Variants in KCNMB2 observed in about 807,000 individuals in gnomAD.
KCNMB2 encodes the protein potassium calcium-activated channel subfamily M regulatory beta subunit 2.
Under a neutral mutation model 24.5 loss-of-function variants are expected in KCNMB2, and 9 were observed. That is an observed-to-expected ratio of 0.37 (90% CI 0.22 to 0.64). KCNMB2 has a LOEUF of 0.64. KCNMB2 is among the 30% of genes least tolerant of loss of function. KCNMB2 has a pLI of 0.63. For missense variants in KCNMB2, 226 were observed against 284.3 expected (o/e 0.79, Z 1.47); for synonymous variants, 109 against 104.4 (o/e 1.04, Z -0.27).
At chr3:178,732,891 C>G (rs189194415) in intron 1 of KCNMB2, among the ~76,000 whole-genome samples, 1 of 152,108 alleles carries the variant, frequency 6.6e-6, no homozygotes, top group Non-Finnish European at 1.5e-5. Context: ...AATAATGAGA[C>G]GAGGCTATCT....
chr3:178,560,175 G>C (rs1716265872), intron 1 of KCNMB2, among the ~76,000 whole-genome samples: 1 of 151,290 alleles, frequency 6.6e-6, no homozygotes, highest in Non-Finnish European at 1.5e-5. Context: ...GATTATTTTA[G>C]ATCACCAAAC....
intron 1 of KCNMB2, among the ~76,000 whole-genome samples, chr3:178,546,412 G>C (rs1356799898): frequency 6.6e-6 from 1 of 152,204 alleles, no homozygotes; most frequent in Non-Finnish European, 1.5e-5. Context: ...TCAGGCACAT[G>C]ATGGTGTTTA....
At chr3:178,750,624 G>C (rs1723812555) in intron 1 of KCNMB2, among the ~76,000 whole-genome samples, 1 of 152,148 alleles carries the variant, frequency 6.6e-6, no homozygotes, top group Non-Finnish European at 1.5e-5. Context: ...GACTCACCTT[G>C]TCATTCAGCA....
chr3:178,636,125 C>T (rs1222721224), intron 1 of KCNMB2, among the ~76,000 whole-genome samples: 3 of 152,168 alleles, frequency 2.0e-5, no homozygotes, highest in Admixed American at 1.3e-4. Context: ...TCAGATACAA[C>T]CATAAGTCAG....
chr3:178,566,407 C>G (rs1175381970), intron 1 of KCNMB2, among the ~76,000 whole-genome samples: 1 of 152,036 alleles, frequency 6.6e-6, no homozygotes, highest in Non-Finnish European at 1.5e-5. Flanking sequence ...CCGTGTCACT[C>G]AAACACACAC....
chr3:178,645,097 CTG>C (rs1334681355), intron 1 of KCNMB2, among the ~76,000 whole-genome samples: 1 of 129,100 alleles, frequency 7.7e-6, no homozygotes, highest in Non-Finnish European at 1.5e-5. Context: ...GTTGCCCAGA[CTG>C]GAGTGCAATG....
At chr3:178,832,973 T>C (rs1051386547) in intron 4 of KCNMB2, among the ~76,000 whole-genome samples, 2 of 56,588 alleles carry the variant, frequency 3.5e-5, no homozygotes, top group Non-Finnish European at 6.5e-5. Flanking sequence ...TTTTATTAGG[T>C]TTCTGATATT....
At position 178,843,048 on chromosome 3, in the gene KCNMB2, A is replaced by G. The variant is rs112577993; in HGVS notation, c.*111A>G. ...TGCAGTCTGTTATGAGTTCCCTAAT[A>G]TATTCTTATATGTAGAGCAATAATG... On this transcript the variant is annotated 3_prime_UTR_variant, in exon 5 of 5. Coordinates refer to ENST00000452583, the MANE Select transcript of KCNMB2 (RefSeq NM_181361.3). The G allele has an allele frequency of 7.4e-6, 6 of 816,078 alleles. No individual in the cohort carries two copies. The highest frequency in any genetic ancestry group is 7.8e-6 in the Non-Finnish European group (4 of 513,948). The allele number at this position is 816,078 out of a possible 1,614,324, so 50.6% of individuals were successfully genotyped here.
chr3:178,718,827 T>C (rs1308554274), intron 1 of KCNMB2, among the ~76,000 whole-genome samples: 1 of 152,180 alleles, frequency 6.6e-6, no homozygotes, highest in Non-Finnish European at 1.5e-5. Flanking sequence ...TAAGCAAATA[T>C]ATGGTCATAC....
At chr3:178,835,036 A>T (rs1337992751) in intron 4 of KCNMB2, among the ~76,000 whole-genome samples, 2 of 151,868 alleles carry the variant, frequency 1.3e-5, no homozygotes, top group African/African-American at 4.8e-5. Context: ...TAGGGATTCC[A>T]TGGTTTAAGC....
intron 1 of KCNMB2, among the ~76,000 whole-genome samples, chr3:178,541,439 C>T (rs1419238854): frequency 6.6e-6 from 1 of 152,134 alleles, no homozygotes; most frequent in East Asian, 1.9e-4. Flanking sequence ...CCCCAGTAGC[C>T]TGTGCAGCAG....
intron 1 of KCNMB2, among the ~76,000 whole-genome samples, chr3:178,704,009 G>A (rs538482894): frequency 6.6e-6 from 1 of 152,236 alleles, no homozygotes; most frequent in East Asian, 1.9e-4. Context: ...TTCGTTTATA[G>A]ACCAATTGAC....
chr3:178,664,441 T>TTA (rs1452555631), intron 1 of KCNMB2, among the ~76,000 whole-genome samples: 5 of 152,214 alleles, frequency 3.3e-5, no homozygotes, highest in Non-Finnish European at 4.4e-5. Flanking sequence ...TCAAACAACC[T>TTA]GGGCATGCAC....
At chr3:178,838,896 G>A (rs1715329111) in intron 4 of KCNMB2, among the ~76,000 whole-genome samples, 2 of 152,078 alleles carry the variant, frequency 1.3e-5, no homozygotes, top group South Asian at 2.1e-4. Flanking sequence ...ACAGTAAGAC[G>A]TGAGTTTTAT....
chr3:178,633,743 C>T lies in KCNMB2; in HGVS notation c.-68+97032C>T, dbSNP rs571940020. 4.9e-4 allele frequency among the ~76,000 whole-genome samples: 74 copies of T among 152,370 alleles called. 1 individual carries two copies. Among genetic ancestry groups the T allele is most frequent in the African/African-American group, 1.7e-3 (70 of 41,594 alleles). ...AATTAGCATTTGGCTCCTTGTTACT[C>T]ATGCAAACTTCTACTACTGGCTTGA... On this transcript the variant is annotated intron_variant, in intron 1 of 4. Coordinates refer to ENST00000452583, the MANE Select transcript of KCNMB2 (RefSeq NM_181361.3).
chr3:178,592,995 CCCT>C (rs1717732113), intron 1 of KCNMB2, among the ~76,000 whole-genome samples: 1 of 151,824 alleles, frequency 6.6e-6, no homozygotes, highest in African/African-American at 2.4e-5. Context: ...GTTCTTTTAC[CCCT>C]CAATTTCTTT....
At chr3:178,697,080 T>C (rs1055567518) in intron 1 of KCNMB2, among the ~76,000 whole-genome samples, 2 of 152,198 alleles carry the variant, frequency 1.3e-5, no homozygotes, top group Admixed American at 6.5e-5. Context: ...GTATATTCTG[T>C]TGTTTTGGGG....
In KCNMB2 at chr3:178,695,837, C is replaced by A. The variant is rs942221491; in HGVS notation, c.-67-111506C>A. On this transcript the variant is annotated intron_variant, in intron 1 of 4. Coordinates refer to ENST00000452583, the MANE Select transcript of KCNMB2 (RefSeq NM_181361.3). ...TCCAAACTTTCCCACATTTCCCTATCTTCTTCTGAGCCTTCCAAATGGTTC... is the reference window on the plus strand; with the variant it reads ...TCCAAACTTTCCCACATTTCCCTATATTCTTCTGAGCCTTCCAAATGGTTC... Among the ~76,000 whole-genome samples the A allele has an allele frequency of 5.0e-4, 76 of 152,228 alleles. 1 individual carries two copies. Among genetic ancestry groups the A allele is most frequent in the African/African-American group, 1.8e-3 (75 of 41,464 alleles).
chr3:178,821,963 C>T (rs1714645796), intron 2 of KCNMB2, among the ~76,000 whole-genome samples: 1 of 152,124 alleles, frequency 6.6e-6, no homozygotes, highest in Non-Finnish European at 1.5e-5. Flanking sequence ...CTGATTTAAG[C>T]CTTATCCTGT....
Sources: allele counts gnomAD v4.1 joint callset (sites outside exome capture counted in the v4.1 genomes callset), GRCh38; gene constraint gnomAD v4.1.1; transcripts MANE v1.5; gene names NCBI Gene and HGNC (gene_info 2026-07-23, HGNC 2026-07-21).